ANTXR1: variants seen among roughly 807,000 people sequenced by gnomAD.
ANTXR1 encodes the protein anthrax toxin receptor 1.
In ANTXR1, 19 loss-of-function variants were observed where a neutral mutation model predicts 78.1. The ratio of observed to expected loss-of-function variants is 0.24; its 90% CI spans 0.17 to 0.36. ANTXR1 has a LOEUF of 0.36. ANTXR1 is among the 10% of genes least tolerant of loss of function. The pLI, the probability that ANTXR1 is intolerant of heterozygous loss-of-function variation, is 1.00. For missense variants in ANTXR1, 518 were observed against 718.6 expected (o/e 0.72, Z 3.19); for synonymous variants, 273 against 260.5 (o/e 1.05, Z -0.46).
chr2:69,161,883 G>A (rs1673692101), intron 13 of ANTXR1, among the ~76,000 whole-genome samples: 1 of 152,036 alleles, frequency 6.6e-6, no homozygotes, highest in African/African-American at 2.4e-5. Context: ...CAGTTGAGCC[G>A]GCTTTAAGAG....
chr2:69,095,730 T>C (rs1558540017), intron 9 of ANTXR1, among the ~76,000 whole-genome samples: 1 of 152,172 alleles, frequency 6.6e-6, no homozygotes, highest in Admixed American at 6.5e-5. Flanking sequence ...CATAGAATCA[T>C]GTGAGCAGTG....
intron 13 of ANTXR1, among the ~76,000 whole-genome samples, chr2:69,154,980 A>T (rs1223276203): frequency 6.6e-6 from 1 of 152,184 alleles, no homozygotes; most frequent in East Asian, 1.9e-4. Flanking sequence ...TGAGCAGACC[A>T]GGCACAGGGG....
chr2:69,231,807 G>A (rs1457226882), intron 17 of ANTXR1, among the ~76,000 whole-genome samples: 3 of 152,128 alleles, frequency 2.0e-5, no homozygotes, highest in Admixed American at 6.5e-5. Flanking sequence ...ACCAAAAACA[G>A]GAAGCAGAAA....
chr2:69,041,878 C>A (rs1478272091), intron 2 of ANTXR1, among the ~76,000 whole-genome samples: 1 of 152,152 alleles, frequency 6.6e-6, no homozygotes, highest in East Asian at 1.9e-4. Context: ...CTCCGCTAAC[C>A]CTGCTTGGCC....
At chr2:69,234,076 T>C (rs926091791) in intron 17 of ANTXR1, among the ~76,000 whole-genome samples, 6 of 152,198 alleles carry the variant, frequency 3.9e-5, no homozygotes, top group African/African-American at 7.2e-5. Context: ...AATTTATGAA[T>C]TACATTATTC....
intron 1 of ANTXR1, among the ~76,000 whole-genome samples, chr2:69,034,165 AAG>A (rs1387490730): frequency 1.3e-5 from 2 of 152,222 alleles, no homozygotes; most frequent in Non-Finnish European, 1.5e-5. Context: ...TTCCAAACAC[AAG>A]AGAGAGCATA....
chr2:69,174,280 T>G (rs1249676170), intron 14 of ANTXR1, among the ~76,000 whole-genome samples: 2 of 152,224 alleles, frequency 1.3e-5, no homozygotes, highest in African/African-American at 4.8e-5. Context: ...TCAACAACTC[T>G]AGAATGAGTG....
chr2:69,237,482 G>T (rs1444555320), intron 17 of ANTXR1, among the ~76,000 whole-genome samples: 2 of 152,216 alleles, frequency 1.3e-5, no homozygotes, highest in African/African-American at 4.8e-5. Context: ...AGGCTGGAAT[G>T]CACTGCAGCA....
chr2:69,213,616 C>T (rs930711708), intron 17 of ANTXR1, among the ~76,000 whole-genome samples: 3 of 152,244 alleles, frequency 2.0e-5, no homozygotes, highest in Non-Finnish European at 4.4e-5. Context: ...CAAAGACCAG[C>T]GGTCTTGCCA....
At chr2:69,031,327 G>C (rs1573788002) in intron 1 of ANTXR1, among the ~76,000 whole-genome samples, 1 of 152,196 alleles carries the variant, frequency 6.6e-6, no homozygotes, top group East Asian at 1.9e-4. Flanking sequence ...TTTTGAACAA[G>C]AGACACTGCA....
chr2:69,079,403 G>A (rs1670833079), intron 8 of ANTXR1, among the ~76,000 whole-genome samples: 1 of 152,152 alleles, frequency 6.6e-6, no homozygotes, highest in Admixed American at 6.6e-5. Flanking sequence ...TGAGAAGGCA[G>A]CGCAGACCCG....
intron 13 of ANTXR1, among the ~76,000 whole-genome samples, chr2:69,158,710 T>C (rs1291903180): frequency 6.6e-6 from 1 of 152,240 alleles, no homozygotes; most frequent in Non-Finnish European, 1.5e-5. Context: ...ATAGGCTTTG[T>C]GTTATCTATT....
chr2:69,190,240 G>A (rs533828910), intron 16 of ANTXR1, among the ~76,000 whole-genome samples: 20 of 152,358 alleles, frequency 1.3e-4, no homozygotes, highest in African/African-American at 4.8e-4. Flanking sequence ...AGCAAAATGA[G>A]TGTCAAGGCA....
chr2:69,099,795 TTC>T (rs1356115659), intron 9 of ANTXR1, among the ~76,000 whole-genome samples: 2 of 152,224 alleles, frequency 1.3e-5, no homozygotes, highest in African/African-American at 4.8e-5. Flanking sequence ...TTCCCCTTTA[TTC>T]TCTTTCTATG....
At chr2:69,092,493 A>T (rs1671271998) in intron 9 of ANTXR1, among the ~76,000 whole-genome samples, 1 of 152,252 alleles carries the variant, frequency 6.6e-6, no homozygotes, top group South Asian at 2.1e-4. Context: ...ATACCTACAT[A>T]AAGTTGTTAG....
In ANTXR1 at chr2:69,247,184, C is replaced by CA. The variant is rs1485243691; in HGVS notation, c.*1700dup. On this transcript the variant is annotated 3_prime_UTR_variant, in exon 18 of 18. Coordinates refer to ENST00000303714, the MANE Select transcript of ANTXR1 (RefSeq NM_032208.3). ...TCAAATTACAATTCCAAAGAGCCGC[C>CA]ACTCAACAGTCAGATGAACCCAACA... The CA allele has an allele frequency of 1.1e-4, 17 of 153,004 alleles. No homozygotes were observed. The highest frequency in any genetic ancestry group is 4.1e-4 in the African/African-American group (17 of 41,416). The allele number at this position is 153,004 out of a possible 1,614,324, so 9.5% of individuals were successfully genotyped here.
At chr2:69,212,966 T>TA (rs1675083562) in intron 17 of ANTXR1, among the ~76,000 whole-genome samples, 3 of 129,112 alleles carry the variant, frequency 2.3e-5, no homozygotes, top group African/African-American at 1.1e-4. Context: ...ATCACCTTTT[T>TA]TTTTTTTTTT....
intron 12 of ANTXR1, among the ~76,000 whole-genome samples, chr2:69,129,932 G>C (rs758178760): frequency 6.6e-6 from 1 of 152,130 alleles, no homozygotes; most frequent in Non-Finnish European, 1.5e-5. Flanking sequence ...GAAGTGGGAC[G>C]AGGCCATGCC....
chr2:69,061,201 T>G (rs952942624), intron 3 of ANTXR1, among the ~76,000 whole-genome samples: 1 of 152,184 alleles, frequency 6.6e-6, no homozygotes, highest in Non-Finnish European at 1.5e-5. Context: ...GAACCATCCC[T>G]CCTTCCCACT....
Sources: allele counts gnomAD v4.1 joint callset (sites outside exome capture counted in the v4.1 genomes callset), GRCh38; gene constraint gnomAD v4.1.1; transcripts MANE v1.5; gene names NCBI Gene and HGNC (gene_info 2026-07-23, HGNC 2026-07-21).